The following ZNF266 variants were observed in gnomAD, a reference collection of about 807,000 sequenced individuals.
ZNF266 encodes zinc finger protein 266.
In ZNF266, 16 loss-of-function variants were observed where a neutral mutation model predicts 16.4. The ratio of observed to expected loss-of-function variants is 0.98; its 90% CI spans 0.66 to 1.48. The LOEUF (loss-of-function observed/expected upper bound fraction) is 1.48. Among genes scored for constraint, ZNF266 ranks in the 40% most tolerant of loss-of-function variants. The pLI is 0.00. For synonymous variants in ZNF266, 262 were observed against 237.9 expected, an observed-to-expected ratio of 1.10 and a Z score of -0.93; for missense variants, 738 against 689.1, an observed-to-expected ratio of 1.07 and a Z score of -0.79.
intron 5 of ZNF266, among the ~76,000 whole-genome samples, chr19:9,423,926 G>A (rs7258361): frequency 0.58 from 88,461 of 151,990 alleles, 26,184 homozygotes; most frequent in African/African-American, 0.66. Context: ...GAACCCGGGA[G>A]GTGGAGGTTG....
At chr19:9,433,124 G>T (rs2071883585) in intron 5 of ZNF266, among the ~76,000 whole-genome samples, 1 of 152,166 alleles carries the variant, frequency 6.6e-6, no homozygotes, top group Admixed American at 6.5e-5. Flanking sequence ...AGTACCCAGA[G>T]AAAACCCATG....
intron 10 of ZNF266, 60 bp from the exon 11 acceptor site, chr19:9,414,780 C>G: frequency 6.7e-7 from 1 of 1,484,526 alleles, no homozygotes; most frequent in East Asian, 2.3e-5. Flanking sequence ...ACAGATTCCA[C>G]TCATCTGAAG....
At position 9,413,861 on chromosome 19, in the gene ZNF266, T is replaced by C. The variant is rs749549101; in HGVS notation, c.1265A>G (p.Lys422Arg). The C allele has an allele frequency of 5.8e-5, 94 of 1,614,054 alleles. No homozygotes were observed. The highest frequency in any genetic ancestry group is 7.5e-5 in the Non-Finnish European group (88 of 1,180,038). Residue 422 changes from lysine to arginine, a missense_variant, in exon 11 of 11, where the codon AAG (lysine) becomes AGG (arginine). Physicochemically the swap from Lys to Arg is conservative, Grantham distance 26 (BLOSUM62 2). Transcript: ENST00000592904. The part of the protein sequence containing the change: ...IHTGIKPYKC[K>R]DCGKAFTQNS... The stretch of plus-strand genomic sequence containing the variant: ...CTGAGTGAAGGCTTTCCCACAATCC[T>C]TACATTTATAGGGTTTTATTCCAGT...
At chr19:9,421,083 T>A (rs1303753650) in intron 5 of ZNF266, among the ~76,000 whole-genome samples, 1 of 152,184 alleles carries the variant, frequency 6.6e-6, no homozygotes, top group Admixed American at 6.5e-5. Context: ...TTAATCACAA[T>A]CTTTAATAAA....
At chr19:9,427,102 G>A (rs2070860842) in intron 5 of ZNF266, among the ~76,000 whole-genome samples, 1 of 152,088 alleles carries the variant, frequency 6.6e-6, no homozygotes, top group Non-Finnish European at 1.5e-5. Context: ...TAATGAAGGG[G>A]TGATTATCCC....
intron 5 of ZNF266, among the ~76,000 whole-genome samples, chr19:9,426,491 C>A (rs56233004): frequency 0.57 from 81,855 of 142,794 alleles, 22,637 homozygotes; most frequent in Middle Eastern, 0.64. Flanking sequence ...AGTCTAAGAC[C>A]AAAAAAAAAG....
At chr19:9,430,246 G>C (rs1237792104) in intron 5 of ZNF266, among the ~76,000 whole-genome samples, 2 of 152,156 alleles carry the variant, frequency 1.3e-5, no homozygotes, top group African/African-American at 4.8e-5. Flanking sequence ...TCTCGCTTCT[G>C]TAAGTACGCT....
At chr19:9,432,235 A>G (rs1263696981) in intron 5 of ZNF266, among the ~76,000 whole-genome samples, 2 of 152,240 alleles carry the variant, frequency 1.3e-5, no homozygotes, top group African/African-American at 4.8e-5. Flanking sequence ...TTGGGATTAC[A>G]GGCGTGAGCC....
intron 5 of ZNF266, among the ~76,000 whole-genome samples, chr19:9,423,791 T>C (rs760673945): frequency 1.8e-4 from 27 of 151,982 alleles, no homozygotes; most frequent in Admixed American, 1.4e-3. Flanking sequence ...AGGTCAGGAG[T>C]TCGTGACCAG....
At position 9,413,072 on chromosome 19, in the gene ZNF266, ATG is replaced by A. The variant is rs2068464093; in HGVS notation, c.*201_*202del. 1.7e-6 allele frequency: 1 copy of A among 575,686 alleles called. No individual in the cohort carries two copies. Among genetic ancestry groups the A allele is most frequent in the South Asian group, 2.8e-5 (1 of 35,546 alleles). 35.7% of individuals were successfully genotyped at this position (575,686 alleles called of 1,614,324 possible). On this transcript the variant is annotated 3_prime_UTR_variant, in exon 11 of 11. Coordinates refer to ENST00000592904, the MANE Select transcript of ZNF266 (RefSeq NM_001370374.1). The stretch of plus-strand genomic sequence containing the variant: ...CAGTTTCTCTCCAGTGAGATTTCTG[ATG>A]TGTTTGGTAAGGCTTGAGAATTCAG...
At chr19:9,418,443 T>A in intron 8 of ZNF266, 62 bp downstream of exon 8, 1 of 1,559,216 alleles carries the variant, frequency 6.4e-7, no homozygotes, top group African/African-American at 1.4e-5. Flanking sequence ...TGATGTGCAA[T>A]ACAGTAAGTA....
In ZNF266 at chr19:9,412,433, C is replaced by A. The variant is rs1450223492; in HGVS notation, c.*842G>T. ...ATAGCTAATGAACGGAAAAAATAAT[C>A]ACAAAAAAATTTTATTATGTTTGAA... On this transcript the variant is annotated 3_prime_UTR_variant, in exon 11 of 11. Coordinates refer to ENST00000592904, the MANE Select transcript of ZNF266 (RefSeq NM_001370374.1). Among the ~76,000 whole-genome samples, 3 of 152,122 alleles carry A rather than the reference C, an allele frequency of 2.0e-5. No homozygotes were observed. Among genetic ancestry groups the A allele is most frequent in the African/African-American group, 7.2e-5 (3 of 41,426 alleles).
Position 9,415,681 on chromosome 19 carries a change from C to T in ZNF266, c.378G>A (p.Gly126=), listed in dbSNP as rs1054369172. 1.9e-6 allele frequency: 3 copies of T among 1,612,950 alleles called. No individual in the cohort carries two copies. In the African/African-American group the frequency reaches 4.0e-5, roughly 22 times the overall value. The change falls in exon 10 of 11, where the codon GGG becomes GGA. Residue 126 remains glycine (G), a synonymous_variant. Coordinates refer to ENST00000592904, the MANE Select transcript of ZNF266 (RefSeq NM_001370374.1). ...KELALQQDVL[G]EPTSSGIQMI... ...TTTGAATCCCACTGGAGGTTGGCTC[C>T]CCCAAAACATCCTGCTGAAGGGCTA...
chr19:9,425,988 A>G (rs746658296), intron 5 of ZNF266, among the ~76,000 whole-genome samples: 7 of 152,158 alleles, frequency 4.6e-5, no homozygotes, highest in Non-Finnish European at 8.8e-5. Flanking sequence ...TGCCCACTGT[A>G]TGGATAAGCA....
At chr19:9,429,765 T>C (rs1181546886) in intron 5 of ZNF266, among the ~76,000 whole-genome samples, 1 of 152,150 alleles carries the variant, frequency 6.6e-6, no homozygotes, top group Non-Finnish European at 1.5e-5. Context: ...CACACCCACA[T>C]ACCCAAGCCT....
intron 5 of ZNF266, 104 bp from the exon 6 acceptor site, chr19:9,420,322 G>A (rs2069663912): frequency 6.6e-6 from 1 of 152,190 alleles, no homozygotes; most frequent in African/African-American, 2.4e-5. Context: ...TGAAAACGGT[G>A]TACACTACAA....
intron 5 of ZNF266, among the ~76,000 whole-genome samples, chr19:9,431,092 G>C (rs948336156): frequency 6.6e-6 from 1 of 152,138 alleles, no homozygotes; most frequent in African/African-American, 2.4e-5. Context: ...CCACTCTCCA[G>C]AGACAGAAGC....
intron 5 of ZNF266, among the ~76,000 whole-genome samples, chr19:9,428,334 C>T (rs1028751195): frequency 7.2e-5 from 11 of 152,208 alleles, no homozygotes; most frequent in Non-Finnish European, 1.2e-4. Context: ...CTAATCCACC[C>T]GCAGAAGGCA....
At position 9,413,260 on chromosome 19, in the gene ZNF266, G is replaced by A. The variant is rs377584558; in HGVS notation, c.*15C>T. 4 of 1,556,370 alleles carry A rather than the reference G, an allele frequency of 2.6e-6. No individual in the cohort carries two copies. Among genetic ancestry groups the A allele is most frequent in the Non-Finnish European group, 3.5e-6 (4 of 1,153,072 alleles). On this transcript the variant is annotated 3_prime_UTR_variant, in exon 11 of 11. Coordinates refer to ENST00000592904, the MANE Select transcript of ZNF266 (RefSeq NM_001370374.1). ...TCAGAGAGAACAGGGACACCTTTAG[G>A]TTTTCCCACATTCCTTATGCTGACA...
Sources: gnomAD v4.1 joint callset for allele counts (sites outside exome capture counted in the v4.1 genomes callset) on GRCh38, gnomAD v4.1.1 for gene constraint, MANE v1.5 for transcripts, NCBI Gene and HGNC (gene_info 2026-07-23, HGNC 2026-07-21) for gene names.